The following UBE2E2 variants were observed in gnomAD, a reference collection of about 807,000 sequenced individuals.
UBE2E2 encodes the protein ubiquitin conjugating enzyme E2 E2, also known as ubiquitin-conjugating enzyme E2 E2.
Under a neutral mutation model 24.7 loss-of-function variants are expected in UBE2E2, and 6 were observed. That is an observed-to-expected ratio of 0.24 (90% CI 0.13 to 0.48). The LOEUF is 0.48. UBE2E2 is among the 20% of genes least tolerant of loss of function. UBE2E2 has a pLI of 0.99. For missense variants in UBE2E2, 169 were observed against 245.0 expected (o/e 0.69, Z 2.07); for synonymous variants, 104 against 83.6 (o/e 1.24, Z -1.33).
intron 3 of UBE2E2, among the ~76,000 whole-genome samples, chr3:23,279,710 C>A (rs1698445662): frequency 6.6e-6 from 1 of 152,164 alleles, no homozygotes; most frequent in South Asian, 2.1e-4. Flanking sequence ...TTGGCTGGAC[C>A]CCCAAGGTGG....
chr3:23,557,971 A>G (rs552385184), intron 5 of UBE2E2, among the ~76,000 whole-genome samples: 146 of 152,328 alleles, frequency 9.6e-4, no homozygotes, highest in Non-Finnish European at 1.4e-3. Flanking sequence ...AGGTCAGCCT[A>G]TGCGTCTAAG....
At chr3:23,299,778 G>A (rs972385808) in intron 3 of UBE2E2, among the ~76,000 whole-genome samples, 1 of 152,198 alleles carries the variant, frequency 6.6e-6, no homozygotes, top group African/African-American at 2.4e-5. Context: ...GGGGTGGAGA[G>A]TTCTGTAGAT....
intron 5 of UBE2E2, among the ~76,000 whole-genome samples, chr3:23,535,372 T>C (rs1042277640): frequency 6.6e-5 from 10 of 152,124 alleles, no homozygotes; most frequent in Non-Finnish European, 1.5e-4. Context: ...ACTGGGGAGA[T>C]AGTATCGAAT....
intron 3 of UBE2E2, among the ~76,000 whole-genome samples, chr3:23,298,311 C>T (rs1215527547): frequency 2.0e-5 from 3 of 151,942 alleles, no homozygotes; most frequent in Non-Finnish European, 4.4e-5. Context: ...CTGGCCAGAA[C>T]TTCCAACACT....
In UBE2E2 at chr3:23,534,128, CTTTTTTTTT is replaced by C. The variant is rs1158079342; in HGVS notation, c.508+1440_508+1448del. On this transcript the variant is annotated intron_variant, in intron 5 of 5. Transcript: ENST00000396703. The stretch of plus-strand genomic sequence containing the variant: ...ATTTGGAGGTAATGTTGCAAGAAGG[CTTTTTTTTT>C]TTTTTTTTTTTTGAGGTGATTTCGA... 1.1e-5 allele frequency: 5 copies of C among 439,248 alleles called. No individual in the cohort carries two copies. In the African/African-American group the frequency reaches 1.4e-4, roughly 12 times the overall value. 27.2% of individuals were successfully genotyped at this position (439,248 alleles called of 1,614,324 possible).
intron 3 of UBE2E2, among the ~76,000 whole-genome samples, chr3:23,257,909 T>G (rs942504905): frequency 2.6e-5 from 4 of 152,164 alleles, no homozygotes; most frequent in African/African-American, 9.7e-5. Context: ...TTTTTGCTTT[T>G]CTTTCATTTA....
At chr3:23,571,524 G>A (rs1575716139) in intron 5 of UBE2E2, among the ~76,000 whole-genome samples, 1 of 151,786 alleles carries the variant, frequency 6.6e-6, no homozygotes. Flanking sequence ...TCCTGACCTC[G>A]TGATCCGCCC....
intron 3 of UBE2E2, among the ~76,000 whole-genome samples, chr3:23,296,761 A>G (rs75248624): frequency 0.33 from 50,871 of 152,050 alleles, 8,728 homozygotes; most frequent in South Asian, 0.38. Flanking sequence ...TAGTGCCGCA[A>G]TAAACATACG....
chr3:23,221,394 A>G (rs975119369), intron 3 of UBE2E2, among the ~76,000 whole-genome samples: 4 of 152,144 alleles, frequency 2.6e-5, no homozygotes, highest in African/African-American at 4.8e-5. Context: ...CTGTTTTGCA[A>G]TATTTTGATA....
intron 3 of UBE2E2, among the ~76,000 whole-genome samples, chr3:23,257,127 T>C (rs991094820): frequency 6.6e-6 from 1 of 152,238 alleles, no homozygotes; most frequent in Non-Finnish European, 1.5e-5. Flanking sequence ...GCTATTGTAA[T>C]AAGTTCTTCT....
intron 5 of UBE2E2, among the ~76,000 whole-genome samples, chr3:23,566,609 G>C (rs1282451522): frequency 6.6e-6 from 1 of 152,214 alleles, no homozygotes; most frequent in African/African-American, 2.4e-5. Flanking sequence ...CAATGGTGGA[G>C]AGTGAAGGCA....
intron 3 of UBE2E2, among the ~76,000 whole-genome samples, chr3:23,273,359 C>G (rs978899518): frequency 2.7e-4 from 41 of 151,892 alleles, no homozygotes; most frequent in African/African-American, 9.9e-4. Flanking sequence ...AACCCCGTCT[C>G]TACTAAAAAT....
chr3:23,336,981 A>G (rs1475462575), intron 3 of UBE2E2, among the ~76,000 whole-genome samples: 1 of 152,100 alleles, frequency 6.6e-6, no homozygotes, highest in African/African-American at 2.4e-5. Context: ...CTCTACAAAA[A>G]ATAGAAAAAT....
chr3:23,250,445 G>A lies in UBE2E2; in HGVS notation c.227+33133G>A, dbSNP rs143807081. On this transcript the variant is annotated intron_variant, in intron 3 of 5. Coordinates refer to ENST00000396703, the MANE Select transcript of UBE2E2 (RefSeq NM_152653.4). Reference sequence around the variant, plus strand: ...TTTATGAACATGAGATTGGAAAAATGGTGGCATGAACTCACTTCTAACTTC... The same window carrying A: ...TTTATGAACATGAGATTGGAAAAATAGTGGCATGAACTCACTTCTAACTTC... 2.6e-3 allele frequency among the ~76,000 whole-genome samples: 390 copies of A among 152,142 alleles called. 2 individuals are homozygous for A. The highest frequency in any genetic ancestry group is 9.0e-3 in the African/African-American group (372 of 41,518).
intron 5 of UBE2E2, among the ~76,000 whole-genome samples, chr3:23,559,411 G>A (rs1041288702): frequency 3.3e-5 from 5 of 151,992 alleles, no homozygotes; most frequent in Non-Finnish European, 7.4e-5. Flanking sequence ...AGATTACCTG[G>A]AGGCCCTTCT....
At chr3:23,238,394 A>G (rs1697174223) in intron 3 of UBE2E2, among the ~76,000 whole-genome samples, 1 of 152,202 alleles carries the variant, frequency 6.6e-6, no homozygotes, top group Non-Finnish European at 1.5e-5. Flanking sequence ...CTTCTAGAAC[A>G]CTAAAGCATT....
At chr3:23,471,941 T>A (rs201078453) in intron 3 of UBE2E2, among the ~76,000 whole-genome samples, 6 of 141,956 alleles carry the variant, frequency 4.2e-5, no homozygotes, top group Non-Finnish European at 4.6e-5. Context: ...AAAACATCTT[T>A]AAAAAAAAAA....
chr3:23,331,004 A>T lies in UBE2E2; in HGVS notation c.227+113692A>T, dbSNP rs545267966. Among the ~76,000 whole-genome samples the T allele has an allele frequency of 8.7e-4, 133 of 152,114 alleles. 1 individual carries two copies. The highest frequency in any genetic ancestry group is 3.4e-3 in the Middle Eastern group (1 of 294). On this transcript the variant is annotated intron_variant, in intron 3 of 5. Coordinates refer to ENST00000396703, the MANE Select transcript of UBE2E2 (RefSeq NM_152653.4). ...GACTATTCTTGCTTTTTTCTTTTTT[A>T]AAAAAATTAATGTTTGCATGGAATA...
chr3:23,370,012 A>T (rs1486404521), intron 3 of UBE2E2, among the ~76,000 whole-genome samples: 1 of 152,178 alleles, frequency 6.6e-6, no homozygotes. Flanking sequence ...TGGAAAATGT[A>T]AGTTCTCCAT....
Sources: allele counts gnomAD v4.1 joint callset (sites outside exome capture counted in the v4.1 genomes callset), GRCh38; gene constraint gnomAD v4.1.1; transcripts MANE v1.5; gene names NCBI Gene and HGNC (gene_info 2026-07-23, HGNC 2026-07-21).